The following NCAM1 variants were observed in gnomAD, a reference collection of about 807,000 sequenced individuals.
NCAM1 encodes the protein antigen recognized by monoclonal antibody 5.1H11.
In NCAM1, 14 loss-of-function variants were observed where a neutral mutation model predicts 109.8. The ratio of observed to expected loss-of-function variants is 0.13; its 90% CI spans 0.08 to 0.20. NCAM1 has a LOEUF of 0.20. Among genes scored for constraint, NCAM1 ranks in the 10% least tolerant of loss-of-function variants. The pLI, the probability that NCAM1 is intolerant of heterozygous loss-of-function variation, is 1.00. For synonymous variants in NCAM1, 418 were observed against 442.9 expected, an observed-to-expected ratio of 0.94 and a Z score of 0.70; for missense variants, 774 against 1,109.9, an observed-to-expected ratio of 0.70 and a Z score of 4.30.
At chr11:112,993,315 T>TA (rs1257513882) in intron 1 of NCAM1, among the ~76,000 whole-genome samples, 2 of 151,868 alleles carry the variant, frequency 1.3e-5, no homozygotes, top group Non-Finnish European at 2.9e-5. Context: ...TGACAGAGAG[T>TA]TGGGGGTGGG....
At chr11:113,247,950 C>T (rs1442351222) in intron 15 of NCAM1, among the ~76,000 whole-genome samples, 1 of 152,148 alleles carries the variant, frequency 6.6e-6, no homozygotes, top group Non-Finnish European at 1.5e-5. Context: ...TGGGCCTTCA[C>T]CATGAAATCT....
chr11:112,987,584 A>T (rs781961670), intron 1 of NCAM1, among the ~76,000 whole-genome samples: 2 of 152,138 alleles, frequency 1.3e-5, no homozygotes, highest in African/African-American at 4.8e-5. Flanking sequence ...GTGGGTGCAT[A>T]TATATTTACA....
intron 1 of NCAM1, among the ~76,000 whole-genome samples, chr11:113,193,444 G>A (rs570673999): frequency 2.6e-5 from 4 of 152,110 alleles, no homozygotes; most frequent in South Asian, 2.1e-4. Flanking sequence ...TCAGGAGTTC[G>A]AGACCAGCCT....
intron 1 of NCAM1, among the ~76,000 whole-genome samples, chr11:113,185,079 T>TATATATATATAGAG: frequency 3.2e-4 from 40 of 125,742 alleles, no homozygotes; most frequent in East Asian, 1.2e-3. Context: ...TATATATATA[T>TATATATATATAGAG]AGAGAGAGAG....
chr11:113,132,703 G>T (rs922409216), intron 1 of NCAM1, among the ~76,000 whole-genome samples: 1 of 151,200 alleles, frequency 6.6e-6, no homozygotes, highest in African/African-American at 2.4e-5. Flanking sequence ...TTTAGGAACC[G>T]CTGGGGAACA....
intron 1 of NCAM1, among the ~76,000 whole-genome samples, chr11:113,147,713 G>C (rs1346653200): frequency 6.6e-6 from 1 of 152,174 alleles, no homozygotes; most frequent in Non-Finnish European, 1.5e-5. Context: ...ATCATTTATG[G>C]GGCATCACCT....
chr11:112,964,138 T>G (rs1158136661), intron 1 of NCAM1, among the ~76,000 whole-genome samples: 2 of 100,116 alleles, frequency 2.0e-5, no homozygotes, highest in Admixed American at 2.4e-4. Flanking sequence ...GGTTTTTTTT[T>G]TGTTTTTTTT....
chr11:113,114,684 C>A (rs1281304120), intron 1 of NCAM1, among the ~76,000 whole-genome samples: 1 of 152,200 alleles, frequency 6.6e-6, no homozygotes, highest in Non-Finnish European at 1.5e-5. Context: ...GAGAGCACCT[C>A]ACTCACTGCA....
At chr11:112,992,056 A>C (rs1468483850) in intron 1 of NCAM1, among the ~76,000 whole-genome samples, 1 of 152,182 alleles carries the variant, frequency 6.6e-6, no homozygotes, top group African/African-American at 2.4e-5. Flanking sequence ...AACAGGGAAG[A>C]GGAAGCCATG....
chr11:113,006,891 T>G lies in NCAM1; in HGVS notation c.52+45227T>G, dbSNP rs1311754131. Among the ~76,000 whole-genome samples, 9 of 152,264 alleles carry G rather than the reference T, an allele frequency of 5.9e-5. No homozygotes were observed. The East Asian group carries it at 1.4e-3, about 23-fold the overall frequency. ...GTGCACCATTTCCACTTTAAGACCA[T>G]AGCTGTGATATTTAAAGGATGATAC... is the stretch of plus-strand genomic sequence containing the variant. On this transcript the variant is annotated intron_variant, in intron 1 of 19. Coordinates refer to ENST00000316851, the MANE Select transcript of NCAM1 (RefSeq NM_181351.5).
intron 1 of NCAM1, among the ~76,000 whole-genome samples, chr11:113,009,331 T>TTTTG (rs1591242066): frequency 5.9e-5 from 8 of 136,654 alleles, no homozygotes; most frequent in Admixed American, 3.8e-4. Context: ...TTTTTTTTTT[T>TTTTG]TTTTTTTTTT....
chr11:113,268,191 T>C (rs551125975), intron 17 of NCAM1, among the ~76,000 whole-genome samples: 4 of 152,196 alleles, frequency 2.6e-5, no homozygotes, highest in Non-Finnish European at 5.9e-5. Flanking sequence ...GGGTGGAATG[T>C]GTGAGGACTC....
chr11:113,262,079 G>T (rs181078659), intron 17 of NCAM1, among the ~76,000 whole-genome samples: 3 of 152,306 alleles, frequency 2.0e-5, no homozygotes, highest in Non-Finnish European at 4.4e-5. Context: ...TGTGTTCTCG[G>T]TTAGACTTTC....
At chr11:113,199,666 G>T (rs2136850163) in intron 1 of NCAM1, among the ~76,000 whole-genome samples, 1 of 151,736 alleles carries the variant, frequency 6.6e-6, no homozygotes. Context: ...ATAGCATTAG[G>T]AGATATACCT....
At position 113,233,244 on chromosome 11, in the gene NCAM1, C is replaced by A. The variant is rs782395625; in HGVS notation, c.1620C>A (p.Ile540=). The A allele has an allele frequency of 6.2e-7, 1 of 1,613,752 alleles. No individual in the cohort carries two copies. Among genetic ancestry groups the A allele is most frequent in the Non-Finnish European group, 8.5e-7 (1 of 1,179,844 alleles). The change falls in exon 13 of 20, where the codon ATC becomes ATA. Residue 540 remains isoleucine (I), a synonymous_variant. Transcript: ENST00000316851. The surrounding 1 kb of genome is among the most constrained non-coding windows in gnomAD (Gnocchi z 4.5). Reference sequence around the variant, plus strand: ...CAGAGGCCACAGGTGGGGTGCCCATCCTCAAATACAAAGCTGAGTGGAGAG... The same window carrying A: ...CAGAGGCCACAGGTGGGGTGCCCATACTCAAATACAAAGCTGAGTGGAGAG... ...DEPEATGGVP[I]LKYKAEWRAV... is the part of the protein sequence containing the mutation.
chr11:113,011,113 T>G (rs1338519873), intron 1 of NCAM1, among the ~76,000 whole-genome samples: 1 of 74,736 alleles, frequency 1.3e-5, no homozygotes. Flanking sequence ...CCCTCCCCCC[T>G]CCCCCCACCC....
Position 113,275,278 on chromosome 11 carries a change from T to G in NCAM1, c.2468T>G (p.Val823Gly). 2.5e-6 allele frequency: 4 copies of G among 1,613,524 alleles called. No individual in the cohort carries two copies. Among genetic ancestry groups the G allele is most frequent in the Non-Finnish European group, 3.4e-6 (4 of 1,179,794 alleles). The change falls in exon 20 of 20, where the codon GTA becomes GGA. Residue 823 changes from valine to glycine, a missense_variant. Val to Gly is a moderately radical substitution (Grantham distance 109, BLOSUM62 -3). Coordinates refer to ENST00000316851, the MANE Select transcript of NCAM1 (RefSeq NM_181351.5). Reference sequence around the variant, plus strand: ...CTGATTCTCTGCAGGAAGGGCCCCGTAGAAGCAAAGCCAGAGTGCCAGGAG... The same window carrying G: ...CTGATTCTCTGCAGGAAGGGCCCCGGAGAAGCAAAGCCAGAGTGCCAGGAG... ...TPLTEPEKGP[V>G]EAKPECQETE... is the part of the protein sequence containing the mutation.
At chr11:113,172,996 G>T (rs1555106494) in intron 1 of NCAM1, among the ~76,000 whole-genome samples, 1 of 152,206 alleles carries the variant, frequency 6.6e-6, no homozygotes, top group African/African-American at 2.4e-5. Flanking sequence ...GCTCGTGGCA[G>T]CTCCAGCCTC....
At chr11:113,011,978 T>C (rs1336896146) in intron 1 of NCAM1, among the ~76,000 whole-genome samples, 1 of 142,450 alleles carries the variant, frequency 7.0e-6, no homozygotes, top group East Asian at 2.1e-4. Context: ...CTTCCTTCCT[T>C]CCTTCCTTCC....
Sources: allele counts gnomAD v4.1 joint callset (sites outside exome capture counted in the v4.1 genomes callset), GRCh38; gene constraint gnomAD v4.1.1; non-coding constraint Gnocchi (gnomAD v3.1); transcripts MANE v1.5; gene names NCBI Gene and HGNC (gene_info 2026-07-23, HGNC 2026-07-21).